UEVLD: variants seen among roughly 807,000 people sequenced by gnomAD.
UEVLD encodes UEV and lactate/malate dehyrogenase domains.
In UEVLD, 47 loss-of-function variants were observed where a neutral mutation model predicts 58.6. The observed-to-expected ratio is 0.80, with a 90% CI of 0.63 to 1.02. The LOEUF is 1.02. UEVLD is among the 50% of genes least tolerant of loss of function. The pLI, the probability that UEVLD is intolerant of heterozygous loss-of-function variation, is 0.00. For synonymous variants in UEVLD, 197 were observed against 195.3 expected (o/e 1.01, Z -0.07); for missense variants, 510 against 550.6 (o/e 0.93, Z 0.74).
chr11:18,550,551 T>C (rs1159771933), intron 7 of UEVLD, among the ~76,000 whole-genome samples: 1 of 152,192 alleles, frequency 6.6e-6, no homozygotes, highest in East Asian at 1.9e-4. Flanking sequence ...TTCCCCCAGC[T>C]TTCTGCCAGT....
intron 3 of UEVLD, among the ~76,000 whole-genome samples, chr11:18,570,927 C>T (rs16935559): frequency 0.12 from 16,579 of 133,598 alleles, 1,179 homozygotes; most frequent in South Asian, 0.25. Flanking sequence ...CCAAATCATC[C>T]ACCCTGCCTC....
chr11:18,568,181 G>A (rs1852394226), intron 4 of UEVLD, among the ~76,000 whole-genome samples: 1 of 152,048 alleles, frequency 6.6e-6, no homozygotes, highest in Non-Finnish European at 1.5e-5. Context: ...TAATAAAGAG[G>A]CTCAGAACAG....
chr11:18,568,625 A>C (rs1852416088), intron 4 of UEVLD, among the ~76,000 whole-genome samples: 1 of 152,206 alleles, frequency 6.6e-6, no homozygotes, highest in Admixed American at 6.5e-5. Flanking sequence ...CAAATAACAT[A>C]AATGTTCACA....
chr11:18,554,659 C>T (rs1249890979), intron 7 of UEVLD, among the ~76,000 whole-genome samples: 1 of 151,350 alleles, frequency 6.6e-6, no homozygotes, highest in East Asian at 1.9e-4. Flanking sequence ...CGGCCTCTCA[C>T]AGTGCTGGGA....
chr11:18,545,587 G>A (rs1305351508), intron 8 of UEVLD, among the ~76,000 whole-genome samples: 1 of 151,868 alleles, frequency 6.6e-6, no homozygotes, highest in African/African-American at 2.4e-5. Context: ...TGGGATTACA[G>A]GTGTGCACCA....
intron 6 of UEVLD, among the ~76,000 whole-genome samples, chr11:18,560,077 A>AC (rs1182329559): frequency 1.4e-5 from 2 of 144,360 alleles, no homozygotes; most frequent in Non-Finnish European, 3.1e-5. Flanking sequence ...GCAACATGGC[A>AC]AAACCCCGTC....
Position 18,530,434 on chromosome 11 carries a change from A to G in UEVLD, c.*1886T>C, listed in dbSNP as rs911543317. ...TTCTTTATGACTAAAGTTCATCATTATAAGCATTCCTTATTACACTAAAAC... is the reference window on the plus strand; with the variant it reads ...TTCTTTATGACTAAAGTTCATCATTGTAAGCATTCCTTATTACACTAAAAC... On this transcript the variant is annotated 3_prime_UTR_variant, in exon 12 of 12. Coordinates refer to ENST00000396197, the MANE Select transcript of UEVLD (RefSeq NM_001040697.4). 1.3e-5 allele frequency: 2 copies of G among 152,244 alleles called. No individual in the cohort carries two copies. The highest frequency in any genetic ancestry group is 4.8e-5 in the African/African-American group (2 of 41,464). 9.4% of individuals were successfully genotyped at this position (152,244 alleles called of 1,614,324 possible).
intron 4 of UEVLD, among the ~76,000 whole-genome samples, chr11:18,567,985 A>C (rs563633219): frequency 6.6e-6 from 1 of 152,164 alleles, no homozygotes; most frequent in Admixed American, 6.5e-5. Context: ...TCTGTACAAA[A>C]AATTTTAAAA....
intron 9 of UEVLD, among the ~76,000 whole-genome samples, chr11:18,539,733 G>T (rs370327891): frequency 6.6e-6 from 1 of 152,206 alleles, no homozygotes; most frequent in Non-Finnish European, 1.5e-5. Flanking sequence ...GGAAGCAGCA[G>T]TTGCTAAGTT....
chr11:18,578,780 T>G lies in UEVLD; in HGVS notation c.71A>C (p.Glu24Ala), dbSNP rs777051192. 1.2e-6 allele frequency: 2 copies of G among 1,608,408 alleles called. No individual in the cohort carries two copies. Among genetic ancestry groups the G allele is most frequent in the Non-Finnish European group, 1.7e-6 (2 of 1,177,240 alleles). ...GAAAAATACATTTACATTCCTTAGTTCTTCCACAGTTAGGTCCCTGAACTT... is the reference window on the plus strand; with the variant it reads ...GAAAAATACATTTACATTCCTTAGTGCTTCCACAGTTAGGTCCCTGAACTT... ...KYKFRDLTVEELRNVNVFFPH... is the reference protein window; with the variant it reads ...KYKFRDLTVEALRNVNVFFPH... Residue 24 changes from glutamate to alanine, a missense_variant, in exon 2 of 12, where the codon GAA becomes GCA. Coordinates refer to ENST00000396197, the MANE Select transcript of UEVLD (RefSeq NM_001040697.4).
intron 9 of UEVLD, among the ~76,000 whole-genome samples, chr11:18,538,445 C>T (rs1161716891): frequency 1.3e-5 from 2 of 151,732 alleles, no homozygotes; most frequent in Non-Finnish European, 2.9e-5. Context: ...TCCCAAGTAG[C>T]TGGGATCACA....
At chr11:18,554,120 G>A (rs984090005) in intron 7 of UEVLD, among the ~76,000 whole-genome samples, 10 of 151,760 alleles carry the variant, frequency 6.6e-5, no homozygotes, top group Admixed American at 2.0e-4. Context: ...ACGGAGTTTC[G>A]CTCTTGTTGC....
intron 4 of UEVLD, among the ~76,000 whole-genome samples, chr11:18,568,265 T>C (rs992177445): frequency 2.0e-5 from 3 of 152,220 alleles, no homozygotes; most frequent in South Asian, 4.1e-4. Flanking sequence ...TCCCCGAGGA[T>C]TTATTAAACA....
At chr11:18,576,925 G>T (rs571946137) in intron 2 of UEVLD, among the ~76,000 whole-genome samples, 25 of 152,318 alleles carry the variant, frequency 1.6e-4, no homozygotes, top group Admixed American at 1.2e-3. Context: ...GCTCATGCCT[G>T]TAATCCCAGC....
intron 4 of UEVLD, among the ~76,000 whole-genome samples, chr11:18,569,368 G>A (rs1194109737): frequency 6.6e-6 from 1 of 152,110 alleles, no homozygotes; most frequent in Non-Finnish European, 1.5e-5. Flanking sequence ...CTCCTACACT[G>A]ATTTCTACTG....
chr11:18,588,034 AG>A (rs1853671213), intron 1 of UEVLD, among the ~76,000 whole-genome samples: 1 of 152,016 alleles, frequency 6.6e-6, no homozygotes, highest in Non-Finnish European at 1.5e-5. Context: ...AAATCTACTC[AG>A]GTCTTTCATT....
At chr11:18,572,865 A>C (rs1852700687) in intron 3 of UEVLD, among the ~76,000 whole-genome samples, 1 of 151,970 alleles carries the variant, frequency 6.6e-6, no homozygotes, top group Non-Finnish European at 1.5e-5. Flanking sequence ...ATACACTGGC[A>C]CACACTATAT....
intron 7 of UEVLD, among the ~76,000 whole-genome samples, chr11:18,548,743 C>G (rs1328117928): frequency 1.3e-5 from 2 of 152,180 alleles, no homozygotes; most frequent in African/African-American, 4.8e-5. Flanking sequence ...TCTTTCTAAA[C>G]AAGTTTCAGA....
chr11:18,583,966 T>C (rs532558202), intron 1 of UEVLD, among the ~76,000 whole-genome samples: 2 of 152,320 alleles, frequency 1.3e-5, no homozygotes, highest in South Asian at 4.1e-4. Flanking sequence ...ATTACCATTT[T>C]ATGAGTGAGC....
Sources: allele counts gnomAD v4.1 joint callset (sites outside exome capture counted in the v4.1 genomes callset), GRCh38; gene constraint gnomAD v4.1.1; transcripts MANE v1.5; gene names NCBI Gene and HGNC (gene_info 2026-07-23, HGNC 2026-07-21).